The following LPP variants were observed in gnomAD, a reference collection of about 807,000 sequenced individuals.
LPP encodes the protein lipoma-preferred partner.
Under a neutral mutation model 60.4 loss-of-function variants are expected in LPP, and 38 were observed. That is an observed-to-expected ratio of 0.63 (90% CI 0.49 to 0.83). The LOEUF (loss-of-function observed/expected upper bound fraction) is 0.83, where lower values mean the gene tolerates loss of function less well. LPP is among the 40% of genes least tolerant of loss of function. The probability of loss-of-function intolerance (pLI) is 0.00; values close to 1 mark genes in which losing one functional copy is unlikely to be tolerated. For synonymous variants in LPP, 328 were observed against 290.8 expected (o/e 1.13, Z -1.30); for missense variants, 902 against 783.6 (o/e 1.15, Z -1.80).
Position 188,764,990 on chromosome 3 carries a change from C to G in LPP, c.1410+4708C>G, listed in dbSNP as rs565392591. Among the ~76,000 whole-genome samples, 19 of 152,272 alleles carry G rather than the reference C, an allele frequency of 1.2e-4. No individual in the cohort carries two copies. In the South Asian group the frequency reaches 2.9e-3, roughly 23 times the overall value. On this transcript the variant is annotated intron_variant, in intron 9 of 11. Coordinates refer to ENST00000617246, the MANE Select transcript of LPP (RefSeq NM_001375462.1). ...CATTAGTGACCAACACACTAGCAGC[C>G]TTTTGCTCCCTTATGTCATCAAATG...
In LPP at chr3:188,177,280, C is replaced by A. The variant is rs140791313; in HGVS notation, c.-190+23028C>A. On this transcript the variant is annotated intron_variant, in intron 1 of 11. Transcript: ENST00000617246. ...GGTCCCCCTGTGCCAGTAGACAGAC[C>A]CAGGCCTGGGAAGGAGGGCTGGTTG... is the stretch of plus-strand genomic sequence containing the variant. Among the ~76,000 whole-genome samples, 6 of 152,214 alleles carry A rather than the reference C, an allele frequency of 3.9e-5. 1 individual carries two copies. The highest frequency in any genetic ancestry group is 1.4e-4 in the African/African-American group (6 of 41,526).
chr3:188,375,695 T>C lies in LPP; in HGVS notation c.-9-30417T>C, dbSNP rs897268457. The stretch of plus-strand genomic sequence containing the variant: ...TAATTTTTTGAAGGGTTTTTTTGTG[T>C]CTCTATTTCCTTCATTCTGCTCTGA... On this transcript the variant is annotated intron_variant, in intron 3 of 11. Transcript: ENST00000617246. Among the ~76,000 whole-genome samples the C allele has an allele frequency of 5.3e-5, 8 of 152,308 alleles. No homozygotes were observed. In the South Asian group the frequency reaches 1.4e-3, roughly 28 times the overall value.
intron 3 of LPP, among the ~76,000 whole-genome samples, chr3:188,354,120 G>T (rs1420410454): frequency 6.6e-6 from 1 of 152,116 alleles, no homozygotes; most frequent in African/African-American, 2.4e-5. Context: ...ATAGGATTTA[G>T]ATGAGGTTTG....
chr3:188,779,452 G>A (rs1738915348), intron 9 of LPP, among the ~76,000 whole-genome samples: 1 of 152,154 alleles, frequency 6.6e-6, no homozygotes, highest in South Asian at 2.1e-4. Flanking sequence ...CATCACATGT[G>A]CCGTTTGGTT....
chr3:188,850,849 A>C (rs1023535218), intron 9 of LPP, among the ~76,000 whole-genome samples: 10 of 152,148 alleles, frequency 6.6e-5, no homozygotes, highest in African/African-American at 2.4e-4. Flanking sequence ...TGGGCAGACA[A>C]AGGTGCTTGG....
chr3:188,466,307 T>C (rs1259290189), intron 4 of LPP, among the ~76,000 whole-genome samples: 2 of 152,118 alleles, frequency 1.3e-5, no homozygotes, highest in Non-Finnish European at 2.9e-5. Context: ...AGTGCCTACT[T>C]ACAGTTAGGT....
chr3:188,314,746 G>A (rs767729732), intron 2 of LPP, among the ~76,000 whole-genome samples: 7 of 152,000 alleles, frequency 4.6e-5, no homozygotes, highest in Non-Finnish European at 1.0e-4. Flanking sequence ...GCTTGAACCC[G>A]GGAGGCAGAG....
intron 4 of LPP, among the ~76,000 whole-genome samples, chr3:188,417,008 T>TA (rs772891223): frequency 5.9e-4 from 89 of 152,066 alleles, no homozygotes; most frequent in Non-Finnish European, 8.7e-4. Context: ...CTAAAGAACT[T>TA]AAAAAAAATC....
intron 7 of LPP, among the ~76,000 whole-genome samples, chr3:188,661,742 T>G (rs368281894): frequency 6.6e-6 from 1 of 152,236 alleles, no homozygotes; most frequent in East Asian, 1.9e-4. Context: ...TGTCTTCTCA[T>G]AAACGCTTGA....
chr3:188,454,079 A>G (rs888037967), intron 4 of LPP, among the ~76,000 whole-genome samples: 7 of 152,254 alleles, frequency 4.6e-5, no homozygotes, highest in Non-Finnish European at 1.5e-5. Flanking sequence ...TTTGGCTGTC[A>G]TAAAATTTCT....
rs114293523 is a variant in LPP at position 188,264,972 on chromosome 3, T to C, written c.-67+39445T>C. 6.7e-3 allele frequency among the ~76,000 whole-genome samples: 1,020 copies of C among 152,308 alleles called. 10 individuals are homozygous for C. Among genetic ancestry groups the C allele is most frequent in the African/African-American group, 0.023 (974 of 41,562 alleles). On this transcript the variant is annotated intron_variant, in intron 2 of 11. Coordinates refer to ENST00000617246, the MANE Select transcript of LPP (RefSeq NM_001375462.1). ...GTGTCTTAGATTTATTTACCTGATC[T>C]CCTCATCTGTTTTCCACTGGAAGCC...
intron 1 of LPP, among the ~76,000 whole-genome samples, chr3:188,199,473 C>T (rs556407967): frequency 1.1e-4 from 17 of 152,056 alleles, no homozygotes; most frequent in South Asian, 6.2e-4. Flanking sequence ...TGGAGCTGCA[C>T]GGAGGTAGAG....
intron 9 of LPP, among the ~76,000 whole-genome samples, chr3:188,839,094 T>TAA (rs1005310265): frequency 6.6e-6 from 1 of 152,160 alleles, no homozygotes; most frequent in African/African-American, 2.4e-5. Context: ...TCACACTTCT[T>TAA]ACCACCTGAT....
At chr3:188,785,780 C>T (rs1481658275) in intron 9 of LPP, among the ~76,000 whole-genome samples, 1 of 151,872 alleles carries the variant, frequency 6.6e-6, no homozygotes. Context: ...TAAGGAATCT[C>T]CACATTGTTT....
Position 188,397,380 on chromosome 3 carries a change from T to C in LPP, c.-9-8732T>C, listed in dbSNP as rs145224421. Among the ~76,000 whole-genome samples the C allele has an allele frequency of 3.3e-5, 5 of 152,330 alleles. No individual in the cohort carries two copies. In the East Asian group the frequency reaches 9.7e-4, roughly 29 times the overall value. ...TCTCTATGACCTTTTAGCTCTTAAG[T>C]AGTCTGTCCTGGCTATTGTCAACCA... On this transcript the variant is annotated intron_variant, in intron 3 of 11. Transcript: ENST00000617246.
intron 3 of LPP, among the ~76,000 whole-genome samples, chr3:188,347,273 T>A (rs994763499): frequency 2.0e-5 from 3 of 152,178 alleles, no homozygotes; most frequent in African/African-American, 7.2e-5. Context: ...ATACAGAGAA[T>A]GTGTACTATG....
intron 7 of LPP, among the ~76,000 whole-genome samples, chr3:188,627,588 A>C (rs193221680): frequency 6.6e-6 from 1 of 152,324 alleles, no homozygotes; most frequent in Non-Finnish European, 1.5e-5. Context: ...TTCAACAAGA[A>C]GACTTAACAG....
intron 9 of LPP, among the ~76,000 whole-genome samples, chr3:188,853,829 CTT>C (rs34841361): frequency 1.1e-3 from 165 of 148,708 alleles, no homozygotes; most frequent in African/African-American, 3.8e-3. Flanking sequence ...AGATTTTTTT[CTT>C]TTTTTTTTTT....
intron 7 of LPP, among the ~76,000 whole-genome samples, chr3:188,622,134 A>G (rs1312388768): frequency 6.6e-6 from 1 of 152,210 alleles, no homozygotes; most frequent in Non-Finnish European, 1.5e-5. Flanking sequence ...GCCATCACCC[A>G]GATGGCAATA....
Sources: gnomAD v4.1 joint callset for allele counts (sites outside exome capture counted in the v4.1 genomes callset) on GRCh38, gnomAD v4.1.1 for gene constraint, MANE v1.5 for transcripts, NCBI Gene and HGNC (gene_info 2026-07-23, HGNC 2026-07-21) for gene names.